Variants in TRIM66 observed in about 807,000 individuals in gnomAD.
TRIM66 encodes tripartite motif-containing protein 66.
Under a neutral mutation model 148.2 loss-of-function variants are expected in TRIM66, and 99 were observed. The ratio of observed to expected loss-of-function variants is 0.67; its 90% CI spans 0.57 to 0.79. TRIM66 has a LOEUF of 0.79. Ranked by LOEUF, TRIM66 falls within the 30% of genes least tolerant of loss-of-function variation. TRIM66 has a pLI of 0.00. For missense variants in TRIM66, 1,666 were observed against 1,697.9 expected, an observed-to-expected ratio of 0.98 and a Z score of 0.33; for synonymous variants, 616 against 635.9, an observed-to-expected ratio of 0.97 and a Z score of 0.47.
chr11:8,646,298 T>C (rs148946671), intron 11 of TRIM66, 149 bp downstream of exon 11: 79 of 682,730 alleles, frequency 1.2e-4, no homozygotes, highest in Non-Finnish European at 1.9e-4. Context: ...CTCCCAAAAT[T>C]AGGCTGACAT....
intron 17 of TRIM66, 60 bp from the exon 18 acceptor site, chr11:8,622,936 G>A (rs943934450): frequency 2.1e-6 from 3 of 1,406,306 alleles, no homozygotes; most frequent in African/African-American, 1.4e-5. Context: ...ACCCCGTCAT[G>A]CATATCTTCT....
intron 6 of TRIM66, among the ~76,000 whole-genome samples, chr11:8,666,921 T>C (rs1477466251): frequency 6.6e-6 from 1 of 152,190 alleles, no homozygotes; most frequent in Non-Finnish European, 1.5e-5. Context: ...GTGGTTCTCC[T>C]GCCTGAGCCT....
chr11:8,660,668 C>T (rs2038185000), intron 6 of TRIM66, among the ~76,000 whole-genome samples: 1 of 152,210 alleles, frequency 6.6e-6, no homozygotes, highest in South Asian at 2.1e-4. Context: ...AGCAACAGCT[C>T]CTTAAATTGT....
At chr11:8,630,412 G>A (rs2035281145) in intron 15 of TRIM66, among the ~76,000 whole-genome samples, 1 of 152,164 alleles carries the variant, frequency 6.6e-6, no homozygotes, top group African/African-American at 2.4e-5. Flanking sequence ...GAGGTTTCTA[G>A]GCTGTCAACT....
chr11:8,640,857 C>T lies in TRIM66; in HGVS notation c.1518G>A (p.Leu506=), dbSNP rs1690543399. Residue 506 remains leucine, a synonymous_variant, in exon 14 of 25, where the codon CTG becomes CTA. Transcript: ENST00000646038. ...CCCTGGGCAGCAGGGCAGAGCACTG[C>T]AGAGACCCCAGCTGCTGGGGCACCA... is the stretch of plus-strand genomic sequence containing the variant. ...PEMVPQQLGS[L]QCSALLPREK... is the part of the protein sequence containing the mutation. 2 of 1,550,328 alleles carry T rather than the reference C, an allele frequency of 1.3e-6. No homozygotes were observed. Among genetic ancestry groups the T allele is most frequent in the Non-Finnish European group, 1.7e-6 (2 of 1,146,930 alleles).
At chr11:8,668,364 G>C (rs114520191) in intron 6 of TRIM66, among the ~76,000 whole-genome samples, 5 of 151,532 alleles carry the variant, frequency 3.3e-5, no homozygotes, top group African/African-American at 4.9e-5. Context: ...AACATCAGAA[G>C]TTTATTACTT....
At chr11:8,644,404 T>C (rs1267448331) in intron 12 of TRIM66, 1 of 453,692 alleles carries the variant, frequency 2.2e-6, no homozygotes, top group Admixed American at 2.4e-5. Context: ...TACTTACCAA[T>C]GTTTTAACCC....
At chr11:8,636,569 A>G (rs1390072816) in intron 15 of TRIM66, among the ~76,000 whole-genome samples, 1 of 152,010 alleles carries the variant, frequency 6.6e-6, no homozygotes, top group Non-Finnish European at 1.5e-5. Context: ...GGAGCATGGG[A>G]AAACACCTGG....
chr11:8,657,916 C>T (rs1019665285), intron 6 of TRIM66, among the ~76,000 whole-genome samples: 2 of 152,230 alleles, frequency 1.3e-5, no homozygotes, highest in Non-Finnish European at 2.9e-5. Context: ...GCCCTGCTGC[C>T]GTGATTAGGG....
intron 6 of TRIM66, among the ~76,000 whole-genome samples, chr11:8,658,529 T>C (rs1469901866): frequency 6.6e-6 from 1 of 151,956 alleles, no homozygotes; most frequent in Non-Finnish European, 1.5e-5. Flanking sequence ...ACAACAACAG[T>C]GTTGGTGGTG....
chr11:8,617,978 G>T lies in TRIM66; in HGVS notation c.4145C>A (p.Ser1382Ter). ...HMENERAKRM[S>*]FRLANSISQV ...AGAGATGCTGTTGGCCAGGCGAAAT[G>T]ACATTCTTTTTGCTCTTTCATTCTC... The change falls in exon 25 of 25, where the codon TCA becomes TAA. Residue 1382 changes from serine to a stop codon, truncating the protein, a stop_gained. Coordinates refer to ENST00000646038, the MANE Select transcript of TRIM66 (RefSeq NM_001388022.1). LOFTEE classifies it high-confidence loss of function. The T allele has an allele frequency of 1.9e-6, 3 of 1,551,600 alleles. No homozygotes were observed. The highest frequency in any genetic ancestry group is 1.2e-5 in the South Asian group (1 of 84,030).
intron 12 of TRIM66, among the ~76,000 whole-genome samples, chr11:8,645,315 G>T (rs1221715832): frequency 1.3e-5 from 2 of 152,108 alleles, no homozygotes; most frequent in Non-Finnish European, 2.9e-5. Flanking sequence ...CCTCTCCTGG[G>T]TGCTGCCGTC....
At chr11:8,669,455 C>A (rs1053202087) in intron 6 of TRIM66, among the ~76,000 whole-genome samples, 3 of 152,104 alleles carry the variant, frequency 2.0e-5, no homozygotes, top group Non-Finnish European at 4.4e-5. Flanking sequence ...ACCAGCCTGG[C>A]CAACATGGCG....
chr11:8,676,687 GGTCAAAT>G (rs1376387301), intron 3 of TRIM66, among the ~76,000 whole-genome samples: 1 of 152,136 alleles, frequency 6.6e-6, no homozygotes, highest in East Asian at 1.9e-4. Context: ...GAAGACGAAG[GGTCAAAT>G]GACCCCATTT....
intron 6 of TRIM66, among the ~76,000 whole-genome samples, chr11:8,667,239 A>T (rs2038658816): frequency 6.6e-6 from 1 of 152,220 alleles, no homozygotes; most frequent in Non-Finnish European, 1.5e-5. Context: ...AGCTAAAACT[A>T]TAAAACTCCT....
chr11:8,660,883 G>A (rs1213859404), intron 6 of TRIM66, among the ~76,000 whole-genome samples: 1 of 152,190 alleles, frequency 6.6e-6, no homozygotes, highest in Non-Finnish European at 1.5e-5. Context: ...GAAAGTGTGA[G>A]GTCTCTTTGG....
At chr11:8,652,605 T>C (rs1363573082) in intron 6 of TRIM66, among the ~76,000 whole-genome samples, 2 of 152,308 alleles carry the variant, frequency 1.3e-5, no homozygotes, top group East Asian at 1.9e-4. Context: ...TTCTTCAGCA[T>C]AGTGGGCTTC....
intron 6 of TRIM66, among the ~76,000 whole-genome samples, chr11:8,670,567 T>C (rs546676066): frequency 7.2e-5 from 11 of 152,340 alleles, no homozygotes; most frequent in Admixed American, 5.2e-4. Context: ...TGCTAGATAA[T>C]TGGAGTACTT....
chr11:8,627,322 A>T (rs188041089), intron 15 of TRIM66, among the ~76,000 whole-genome samples: 200 of 152,358 alleles, frequency 1.3e-3, no homozygotes, highest in African/African-American at 4.3e-3. Context: ...ACAGCAGCTT[A>T]GGTCTACTGA....
Sources: allele counts gnomAD v4.1 joint callset (sites outside exome capture counted in the v4.1 genomes callset), GRCh38; gene constraint gnomAD v4.1.1; transcripts MANE v1.5; gene names NCBI Gene and HGNC (gene_info 2026-07-23, HGNC 2026-07-21).